The following FARP1 variants were observed in gnomAD, a reference collection of about 807,000 sequenced individuals.
The protein encoded by FARP1 is FERM, ARHGEF and pleckstrin domain-containing protein 1.
In FARP1, 52 loss-of-function variants were observed where a neutral mutation model predicts 128.8. The ratio of observed to expected loss-of-function variants is 0.40; its 90% CI spans 0.32 to 0.51. FARP1 has a LOEUF of 0.51. Ranked by LOEUF, FARP1 falls within the 20% of genes least tolerant of loss-of-function variation. The pLI, the probability that FARP1 is intolerant of heterozygous loss-of-function variation, is 0.45. For synonymous variants in FARP1, 580 were observed against 551.8 expected, an observed-to-expected ratio of 1.05 and a Z score of -0.72; for missense variants, 1,333 against 1,367.9, an observed-to-expected ratio of 0.97 and a Z score of 0.40.
At chr13:98,394,370 G>A (rs1342874661) in intron 12 of FARP1, among the ~76,000 whole-genome samples, 3 of 152,244 alleles carry the variant, frequency 2.0e-5, no homozygotes, top group Non-Finnish European at 4.4e-5. Flanking sequence ...GCCCTGAGAA[G>A]TATAAGCAAA....
chr13:98,311,874 C>T (rs1186757744), intron 2 of FARP1, among the ~76,000 whole-genome samples: 6 of 148,830 alleles, frequency 4.0e-5, no homozygotes, highest in South Asian at 2.1e-4. Context: ...GACGGAGTCT[C>T]GCTCTGTCAC....
intron 8 of FARP1, chr13:98,386,106 A>AGTCTAAT (rs1386316048): frequency 1.2e-5 from 3 of 255,400 alleles, no homozygotes; most frequent in African/African-American, 6.7e-5. Flanking sequence ...CTTAGAACAC[A>AGTCTAAT]GTCTAATGGA....
At chr13:98,291,263 A>G (rs1885433731) in intron 2 of FARP1, among the ~76,000 whole-genome samples, 1 of 152,160 alleles carries the variant, frequency 6.6e-6, no homozygotes, top group Non-Finnish European at 1.5e-5. Context: ...AGGAAGAGAG[A>G]ATACATTTAC....
intron 2 of FARP1, among the ~76,000 whole-genome samples, chr13:98,261,374 C>A (rs1043135021): frequency 4.0e-5 from 6 of 151,876 alleles, no homozygotes; most frequent in African/African-American, 1.5e-4. Flanking sequence ...TCCAGAAGGA[C>A]ATCCGGGTGT....
intron 5 of FARP1, among the ~76,000 whole-genome samples, chr13:98,369,332 A>G (rs1278553089): frequency 6.7e-6 from 1 of 149,682 alleles, no homozygotes; most frequent in Non-Finnish European, 1.5e-5. Flanking sequence ...TTCAGAGGAC[A>G]CTAATCTAAC....
At chr13:98,247,156 C>A (rs1883111805) in intron 2 of FARP1, among the ~76,000 whole-genome samples, 1 of 152,182 alleles carries the variant, frequency 6.6e-6, no homozygotes, top group Admixed American at 6.5e-5. Flanking sequence ...GCAGAAGAAT[C>A]ACTGGAACCC....
intron 23 of FARP1, 109 bp downstream of exon 23, chr13:98,440,344 A>G: frequency 2.5e-6 from 2 of 806,504 alleles, no homozygotes; most frequent in Non-Finnish European, 2.1e-6. Context: ...CGTGGTGTAC[A>G]TTTGTGTTTA....
chr13:98,309,268 G>A (rs9513398), intron 2 of FARP1, among the ~76,000 whole-genome samples: 66,263 of 140,762 alleles, frequency 0.47, 15,576 homozygotes, highest in East Asian at 0.62. Context: ...CCGGGTTCAC[G>A]CCATTCTCCT....
At chr13:98,296,077 A>G (rs1594370402) in intron 2 of FARP1, among the ~76,000 whole-genome samples, 1 of 152,202 alleles carries the variant, frequency 6.6e-6, no homozygotes, top group East Asian at 1.9e-4. Flanking sequence ...AGCTAACTGC[A>G]TCAGAGCTTT....
chr13:98,368,186 A>G lies in FARP1; in HGVS notation c.389A>G (p.Glu130Gly). The G allele has an allele frequency of 6.2e-7, 1 of 1,613,284 alleles. No individual in the cohort carries two copies. The highest frequency in any genetic ancestry group is 8.5e-7 in the Non-Finnish European group (1 of 1,179,220). ...FPPDHTQLQE[E>G]LTRYLFALQV... ...CCTGACCACACACAACTCCAAGAAG[A>G]ACTCACAAGGTTAGTGGTTTGGAAA... The change falls in exon 5 of 27, where the codon GAA becomes GGA. Residue 130 changes from glutamate (E) to glycine (G), a missense_variant. Physicochemically the swap from Glu to Gly is moderately conservative, Grantham distance 98 (BLOSUM62 -2). This residue lies in a region of FARP1 where 324 missense variants were observed against 398.1 expected (regional missense o/e 0.81). Coordinates refer to ENST00000319562, the MANE Select transcript of FARP1 (RefSeq NM_005766.4).
At chr13:98,416,273 T>C (rs1489626692) in intron 16 of FARP1, among the ~76,000 whole-genome samples, 2 of 152,210 alleles carry the variant, frequency 1.3e-5, no homozygotes, top group Non-Finnish European at 2.9e-5. Flanking sequence ...ATCTAAAGTA[T>C]AATATGCAGC....
intron 13 of FARP1, chr13:98,402,670 C>G (rs986227988): frequency 6.6e-6 from 1 of 152,148 alleles, no homozygotes; most frequent in Non-Finnish European, 1.5e-5. Context: ...ACTGGCTGCT[C>G]GCTCCAGAAG....
At chr13:98,389,222 G>A (rs1890213251) in intron 9 of FARP1, among the ~76,000 whole-genome samples, 1 of 152,184 alleles carries the variant, frequency 6.6e-6, no homozygotes, top group African/African-American at 2.4e-5. Context: ...ATTCACTGGA[G>A]TTCCAAAAAG....
Position 98,448,442 on chromosome 13 carries a change from C to A in FARP1, c.*125C>A, listed in dbSNP as rs1311096371. 23 of 785,486 alleles carry A rather than the reference C, an allele frequency of 2.9e-5. No homozygotes were observed. The highest frequency in any genetic ancestry group is 2.6e-4 in the African/African-American group (15 of 58,412). The allele number at this position is 785,486 out of a possible 1,614,324, so 48.7% of individuals were successfully genotyped here. ...TCAAAAACATGGCTTCCCAGCAGCT[C>A]TCCTGTCTCCACAGCCGCGTTTTTT... is the stretch of plus-strand genomic sequence containing the variant. On this transcript the variant is annotated 3_prime_UTR_variant, in exon 27 of 27. Transcript: ENST00000319562.
intron 3 of FARP1, among the ~76,000 whole-genome samples, chr13:98,353,483 A>G (rs1336298410): frequency 6.6e-6 from 1 of 152,140 alleles, no homozygotes; most frequent in East Asian, 1.9e-4. Flanking sequence ...GGTTCAAGTG[A>G]TCCTCCTGTC....
chr13:98,233,312 G>C (rs1882237363), intron 2 of FARP1, among the ~76,000 whole-genome samples: 1 of 152,160 alleles, frequency 6.6e-6, no homozygotes, highest in African/African-American at 2.4e-5. Flanking sequence ...CTTGATGCCT[G>C]TCAGCCAGGC....
intron 1 of FARP1, among the ~76,000 whole-genome samples, chr13:98,203,549 G>A (rs988349318): frequency 6.6e-6 from 1 of 152,192 alleles, no homozygotes; most frequent in Non-Finnish European, 1.5e-5. Flanking sequence ...ATGTTTGCGA[G>A]GTCCATCTAT....
At chr13:98,367,360 G>A (rs942281456) in intron 4 of FARP1, among the ~76,000 whole-genome samples, 5 of 152,136 alleles carry the variant, frequency 3.3e-5, no homozygotes, top group Non-Finnish European at 7.4e-5. Flanking sequence ...TCTTGGCCAG[G>A]CTGGTTTCAA....
chr13:98,377,871 C>T lies in FARP1; in HGVS notation c.449C>T (p.Thr150Met), dbSNP rs749032986. ...VKQDLAQGRLTCNDTSAALLI... is the reference protein window; with the variant it reads ...VKQDLAQGRLMCNDTSAALLI... ...CAGGACTTGGCTCAAGGCAGGTTGACGTGTAATGACACCAGCGCAGCTCTC... is the reference window on the plus strand; with the variant it reads ...CAGGACTTGGCTCAAGGCAGGTTGATGTGTAATGACACCAGCGCAGCTCTC... The change falls in exon 6 of 27, where the codon ACG (threonine) becomes ATG (methionine). Residue 150 changes from threonine to methionine, a missense_variant. Thr to Met is a moderately conservative substitution (Grantham distance 81, BLOSUM62 -1). Around this residue, in one of 2 missense-constraint regions of FARP1, gnomAD observed 324 missense variants for 398.1 expected, o/e 0.81. Transcript: ENST00000319562. 1.1e-5 allele frequency: 18 copies of T among 1,613,828 alleles called. No homozygotes were observed. The highest frequency in any genetic ancestry group is 5.3e-5 in the African/African-American group (4 of 74,914).
Sources: allele counts gnomAD v4.1 joint callset (sites outside exome capture counted in the v4.1 genomes callset), GRCh38; gene constraint gnomAD v4.1.1; regional missense constraint gnomAD v4.1.1; transcripts MANE v1.5; gene names NCBI Gene and HGNC (gene_info 2026-07-23, HGNC 2026-07-21).